The following DNER variants were observed in gnomAD, a reference collection of about 807,000 sequenced individuals.
DNER encodes the protein delta/notch like EGF repeat containing.
Under a neutral mutation model 78.2 loss-of-function variants are expected in DNER, and 33 were observed. That is an observed-to-expected ratio of 0.42 (90% CI 0.32 to 0.56). DNER has a LOEUF of 0.56. DNER is among the 20% of genes least tolerant of loss of function. The probability of loss-of-function intolerance (pLI) is 0.11; values close to 1 mark genes in which losing one functional copy is unlikely to be tolerated. For missense variants in DNER, 918 were observed against 975.3 expected (o/e 0.94, Z 0.78); for synonymous variants, 417 against 384.8 (o/e 1.08, Z -0.98).
rs145009741 is a variant in DNER, at chr2:229,362,877, G to A, written c.2102+3996C>T. Reference sequence around the variant, plus strand: ...CAGTTATAAGGCAGGTCAAAGAGCCGCTAGTTCATGGTCCTCTGAAAGTCA... The same window carrying A: ...CAGTTATAAGGCAGGTCAAAGAGCCACTAGTTCATGGTCCTCTGAAAGTCA... On this transcript the variant is annotated intron_variant, in intron 12 of 12. Coordinates refer to ENST00000341772, the MANE Select transcript of DNER (RefSeq NM_139072.4). Among the ~76,000 whole-genome samples, 67 of 152,274 alleles carry A rather than the reference G, an allele frequency of 4.4e-4. 1 individual carries two copies. Among genetic ancestry groups the A allele is most frequent in the African/African-American group, 1.3e-3 (56 of 41,548 alleles).
chr2:229,441,577 G>A (rs1258471354), intron 8 of DNER, among the ~76,000 whole-genome samples: 1 of 152,154 alleles, frequency 6.6e-6, no homozygotes, highest in Non-Finnish European at 1.5e-5. Context: ...TCTAAAGAAT[G>A]GGAAGGCTAG....
At chr2:229,713,977 C>T (rs913064503) in intron 1 of DNER, among the ~76,000 whole-genome samples, 171 bp downstream of exon 1, 1 of 152,140 alleles carries the variant, frequency 6.6e-6, no homozygotes, top group Non-Finnish European at 1.5e-5. Context: ...GAATCAGGGT[C>T]GGCCCGGGGG....
chr2:229,381,755 T>A (rs1692741969), intron 11 of DNER, among the ~76,000 whole-genome samples: 1 of 152,176 alleles, frequency 6.6e-6, no homozygotes, highest in African/African-American at 2.4e-5. Context: ...AGGGCATTTC[T>A]GAAAGAAAAG....
At chr2:229,549,391 C>T (rs913024396) in intron 4 of DNER, among the ~76,000 whole-genome samples, 1 of 152,132 alleles carries the variant, frequency 6.6e-6, no homozygotes, top group Non-Finnish European at 1.5e-5. Flanking sequence ...CTGCAACCTC[C>T]GACTCCAGGG....
At chr2:229,664,280 GAC>G (rs1431896680) in intron 1 of DNER, among the ~76,000 whole-genome samples, 1 of 152,074 alleles carries the variant, frequency 6.6e-6, no homozygotes, top group Admixed American at 6.6e-5. Flanking sequence ...CTAAAATAAA[GAC>G]AGTTTGTACT....
At chr2:229,387,559 GAAAGAAAGA>G (rs1559337964) in intron 11 of DNER, among the ~76,000 whole-genome samples, 8 of 142,756 alleles carry the variant, frequency 5.6e-5, no homozygotes, top group African/African-American at 2.1e-4. Context: ...AAGAAAGAAA[GAAAGAAAGA>G]AAAGAAAGAA....
rs771782067 is a variant in DNER at position 229,591,572 on chromosome 2, G to A, written c.585+8C>T. 5.0e-6 allele frequency: 8 copies of A among 1,611,808 alleles called. No individual in the cohort carries two copies. The highest frequency in any genetic ancestry group is 2.2e-5 in the South Asian group (2 of 90,684). ...AATGTAAAAATGCACATGATATAACGTTCTCACCTCCACTTGATCCCATTT... is the reference window on the plus strand; with the variant it reads ...AATGTAAAAATGCACATGATATAACATTCTCACCTCCACTTGATCCCATTT... On this transcript the variant is annotated splice_region_variant and intron_variant, in intron 2 of 12. Coordinates refer to ENST00000341772, the MANE Select transcript of DNER (RefSeq NM_139072.4). This position sits in a 1 kb window ranked among gnomAD's most constrained non-coding sequence, Gnocchi z 4.6.
Position 229,500,613 on chromosome 2 carries a change from T to G in DNER, c.1147+12170A>C, listed in dbSNP as rs75637298. ...TCATTGTAGCATTATTTACGAATAG[T>G]CAAGATATGGATTCAGTCTAAGTAT... On this transcript the variant is annotated intron_variant, in intron 6 of 12. Coordinates refer to ENST00000341772, the MANE Select transcript of DNER (RefSeq NM_139072.4). Among the ~76,000 whole-genome samples, 671 of 152,318 alleles carry G rather than the reference T, an allele frequency of 4.4e-3. 5 individuals carry two copies. Among genetic ancestry groups the G allele is most frequent in the Middle Eastern group, 0.014 (4 of 294 alleles).
rs753740781 is a variant in DNER, at chr2:229,486,784, G to C, written c.1148-9531C>G. 3.3e-4 allele frequency among the ~76,000 whole-genome samples: 51 copies of C among 152,290 alleles called. No individual in the cohort carries two copies. The Middle Eastern group carries it at 0.01, about 30-fold the overall frequency. On this transcript the variant is annotated intron_variant, in intron 6 of 12. Coordinates refer to ENST00000341772, the MANE Select transcript of DNER (RefSeq NM_139072.4). ...TCAGTTTTTATACAGGCAATTTAGA[G>C]CAGTGGTTCTCAAAATGTGTTTCCC...
chr2:229,502,496 C>T (rs1559150335), intron 6 of DNER, among the ~76,000 whole-genome samples: 1 of 152,012 alleles, frequency 6.6e-6, no homozygotes, highest in Non-Finnish European at 1.5e-5. Flanking sequence ...GAAAGAAGGC[C>T]CTGAACACAG....
intron 4 of DNER, among the ~76,000 whole-genome samples, chr2:229,566,171 G>T (rs1278019895): frequency 6.6e-6 from 1 of 152,158 alleles, no homozygotes; most frequent in Non-Finnish European, 1.5e-5. Flanking sequence ...CTTCAGATGA[G>T]CTAACGTGAA....
intron 4 of DNER, among the ~76,000 whole-genome samples, chr2:229,554,946 G>GAGAA (rs1323684336): frequency 2.2e-4 from 17 of 76,286 alleles, no homozygotes; most frequent in East Asian, 3.7e-4. Flanking sequence ...AGAGAAAAGG[G>GAGAA]AAGGGAAGGG....
chr2:229,542,354 C>T (rs558445771), intron 5 of DNER, among the ~76,000 whole-genome samples: 77 of 152,270 alleles, frequency 5.1e-4, no homozygotes, highest in African/African-American at 1.8e-3. Context: ...AGACCTTCCC[C>T]CAAATACTGC....
At chr2:229,575,884 T>C (rs1697289074) in intron 4 of DNER, among the ~76,000 whole-genome samples, 1 of 152,210 alleles carries the variant, frequency 6.6e-6, no homozygotes. Context: ...TCAAAAAGAA[T>C]AATCTTGATT....
At chr2:229,489,217 C>G (rs1559146716) in intron 6 of DNER, among the ~76,000 whole-genome samples, 1 of 152,308 alleles carries the variant, frequency 6.6e-6, no homozygotes, top group South Asian at 2.1e-4. Context: ...GGTGCAATCA[C>G]CCAGGCGGCA....
At chr2:229,561,201 C>T (rs527759708) in intron 4 of DNER, among the ~76,000 whole-genome samples, 16 of 152,258 alleles carry the variant, frequency 1.1e-4, no homozygotes, top group African/African-American at 3.6e-4. Flanking sequence ...GAAGACACAA[C>T]AGTACATCCC....
intron 9 of DNER, among the ~76,000 whole-genome samples, chr2:229,413,913 T>C (rs924580395): frequency 1.8e-4 from 27 of 152,160 alleles, no homozygotes; most frequent in African/African-American, 6.5e-4. Flanking sequence ...TCCAGGTAAG[T>C]ACTAGTTAGG....
chr2:229,466,852 T>A (rs181984537), intron 7 of DNER, among the ~76,000 whole-genome samples: 56 of 152,308 alleles, frequency 3.7e-4, no homozygotes, highest in Admixed American at 2.6e-3. Flanking sequence ...GATCCGATTT[T>A]GGTTTTCTAA....
At chr2:229,409,875 T>C (rs1178672945) in intron 9 of DNER, among the ~76,000 whole-genome samples, 1 of 152,162 alleles carries the variant, frequency 6.6e-6, no homozygotes, top group Non-Finnish European at 1.5e-5. Flanking sequence ...ATATAAAATA[T>C]ATTTGTCATA....
Sources: allele counts gnomAD v4.1 joint callset (sites outside exome capture counted in the v4.1 genomes callset), GRCh38; gene constraint gnomAD v4.1.1; non-coding constraint Gnocchi (gnomAD v3.1); transcripts MANE v1.5; gene names NCBI Gene and HGNC (gene_info 2026-07-23, HGNC 2026-07-21).